The following CTNNA2 variants were observed in gnomAD, a reference collection of about 807,000 sequenced individuals.
CTNNA2 encodes the protein catenin alpha-2.
CTNNA2 carries 42 observed loss-of-function variants against 101.0 expected under a neutral mutation model. That is an observed-to-expected ratio of 0.42 (90% confidence interval 0.32 to 0.54). The LOEUF (loss-of-function observed/expected upper bound fraction) is 0.54. Ranked by LOEUF, CTNNA2 falls within the 20% of genes least tolerant of loss-of-function variation. The pLI, the probability that CTNNA2 is intolerant of heterozygous loss-of-function variation, is 0.14. For missense variants in CTNNA2, 871 were observed against 1,223.1 expected, an observed-to-expected ratio of 0.71 and a Z score of 4.29; for synonymous variants, 450 against 456.4, an observed-to-expected ratio of 0.99 and a Z score of 0.18.
chr2:79,446,257 C>T (rs1458057082), intron 4 of CTNNA2, among the ~76,000 whole-genome samples: 2 of 151,968 alleles, frequency 1.3e-5, no homozygotes, highest in Non-Finnish European at 2.9e-5. Flanking sequence ...ATTTTGTACG[C>T]CAATAAATGT....
At chr2:79,826,259 A>G (rs772882957) in intron 3 of CTNNA2, among the ~76,000 whole-genome samples, 14 of 152,242 alleles carry the variant, frequency 9.2e-5, no homozygotes, top group Non-Finnish European at 1.5e-4. Flanking sequence ...CATAAGTACT[A>G]TTTTGAGAAA....
chr2:79,471,732 G>T (rs1386846560), intron 4 of CTNNA2, among the ~76,000 whole-genome samples: 1 of 151,984 alleles, frequency 6.6e-6, no homozygotes, highest in Non-Finnish European at 1.5e-5. Context: ...CAGCTATTCG[G>T]GAGGCTGAGG....
At chr2:79,224,585 T>G (rs970562888) in intron 2 of CTNNA2, among the ~76,000 whole-genome samples, 1 of 152,118 alleles carries the variant, frequency 6.6e-6, no homozygotes, top group Admixed American at 6.6e-5. Flanking sequence ...TATTCATTAT[T>G]TTATGTAAAA....
intron 7 of CTNNA2, among the ~76,000 whole-genome samples, chr2:80,102,881 G>A (rs760783335): frequency 5.9e-5 from 9 of 152,160 alleles, no homozygotes; most frequent in Non-Finnish European, 1.0e-4. Flanking sequence ...TGATCGTGAC[G>A]TAGGCCCTTC....
intron 7 of CTNNA2, among the ~76,000 whole-genome samples, chr2:80,179,060 C>T (rs1280571287): frequency 6.6e-6 from 1 of 152,160 alleles, no homozygotes; most frequent in Non-Finnish European, 1.5e-5. Flanking sequence ...GTTGATGTAC[C>T]CCTGAGGTAG....
intron 7 of CTNNA2, among the ~76,000 whole-genome samples, chr2:79,958,724 T>A (rs941882336): frequency 5.9e-5 from 9 of 152,010 alleles, no homozygotes; most frequent in Non-Finnish European, 7.4e-5. Context: ...CTTGTGGTAA[T>A]TTTTTTTAGC....
intron 7 of CTNNA2, among the ~76,000 whole-genome samples, chr2:80,352,264 A>T (rs1428914679): frequency 6.6e-6 from 1 of 152,036 alleles, no homozygotes; most frequent in Non-Finnish European, 1.5e-5. Context: ...ATAAAACAAT[A>T]AAAAAAAGTG....
chr2:79,195,289 G>C (rs951817281), intron 1 of CTNNA2, among the ~76,000 whole-genome samples: 8 of 152,072 alleles, frequency 5.3e-5, no homozygotes, highest in African/African-American at 1.9e-4. Context: ...TGCAGAAATG[G>C]GACCCTTTTC....
intron 7 of CTNNA2, among the ~76,000 whole-genome samples, chr2:79,925,173 A>G (rs189564172): frequency 6.6e-6 from 1 of 152,186 alleles, no homozygotes; most frequent in Admixed American, 6.6e-5. Flanking sequence ...TTATTTGTTT[A>G]CTAAAGGTTA....
intron 2 of CTNNA2, among the ~76,000 whole-genome samples, chr2:79,275,329 C>A (rs532725709): frequency 6.6e-6 from 1 of 151,946 alleles, no homozygotes; most frequent in East Asian, 2.0e-4. Flanking sequence ...TGGACTGATA[C>A]GGGAATGGCC....
intron 15 of CTNNA2, among the ~76,000 whole-genome samples, chr2:80,600,357 A>G (rs1447065001): frequency 6.6e-6 from 1 of 151,998 alleles, no homozygotes; most frequent in South Asian, 2.1e-4. Flanking sequence ...AATGATGAAT[A>G]CATTTGACTA....
chr2:80,250,250 T>C (rs1338464381), intron 7 of CTNNA2, among the ~76,000 whole-genome samples: 1 of 149,754 alleles, frequency 6.7e-6, no homozygotes, highest in African/African-American at 2.5e-5. Flanking sequence ...AATAAGTTGG[T>C]GACATGTTAA....
chr2:79,969,328 C>T (rs1374090964), intron 7 of CTNNA2, among the ~76,000 whole-genome samples: 1 of 152,122 alleles, frequency 6.6e-6, no homozygotes, highest in Non-Finnish European at 1.5e-5. Flanking sequence ...TTTTGGAGCC[C>T]CGTGCTCTAA....
chr2:79,724,513 G>A (rs894969861), intron 2 of CTNNA2, among the ~76,000 whole-genome samples: 1 of 151,912 alleles, frequency 6.6e-6, no homozygotes, highest in African/African-American at 2.4e-5. Context: ...TTCAATGCTA[G>A]CGCCACTTTA....
At chr2:80,537,913 A>G (rs899191392) in intron 9 of CTNNA2, among the ~76,000 whole-genome samples, 1 of 152,068 alleles carries the variant, frequency 6.6e-6, no homozygotes, top group African/African-American at 2.4e-5. Flanking sequence ...CTTTTTAATG[A>G]TCGCCATTCT....
At position 80,084,470 on chromosome 2, in the gene CTNNA2, C is replaced by G. The variant is rs2148810133; in HGVS notation, c.1056+174673C>G. ...AAATCTCTCTTTTAGGATGTCCAAC[C>G]CATTGCCCTTGGCTCATTATATATG... On this transcript the variant is annotated intron_variant, in intron 7 of 18. Transcript: ENST00000402739. Among the ~76,000 whole-genome samples the G allele has an allele frequency of 2.6e-5, 4 of 152,124 alleles. 1 individual carries two copies. The Middle Eastern group carries it at 0.01, about 388-fold the overall frequency.
At chr2:80,278,741 A>C (rs1184230994) in intron 7 of CTNNA2, among the ~76,000 whole-genome samples, 1 of 152,116 alleles carries the variant, frequency 6.6e-6, no homozygotes, top group Non-Finnish European at 1.5e-5. Context: ...TTTCTAAAAT[A>C]GTATTTTAAA....
intron 9 of CTNNA2, among the ~76,000 whole-genome samples, chr2:80,457,875 C>G (rs1287252674): frequency 6.6e-6 from 1 of 152,162 alleles, no homozygotes; most frequent in Non-Finnish European, 1.5e-5. Flanking sequence ...ACCCTTCCAA[C>G]TCCCTTGTCT....
intron 3 of CTNNA2, among the ~76,000 whole-genome samples, chr2:79,785,479 C>T (rs373335681): frequency 2.0e-5 from 3 of 152,106 alleles, no homozygotes; most frequent in Admixed American, 6.6e-5. Context: ...TTCTTACCAG[C>T]GAGGCCTCCC....
Sources: allele counts gnomAD v4.1 joint callset (sites outside exome capture counted in the v4.1 genomes callset), GRCh38; gene constraint gnomAD v4.1.1; transcripts MANE v1.5; gene names NCBI Gene and HGNC (gene_info 2026-07-23, HGNC 2026-07-21).